The following TGFBR3 variants were observed in gnomAD, a reference collection of about 807,000 sequenced individuals.
TGFBR3 encodes transforming growth factor beta receptor type 3.
TGFBR3 carries 46 observed loss-of-function variants against 87.9 expected under a neutral mutation model. The observed-to-expected ratio is 0.52, with a 90% CI of 0.41 to 0.67. TGFBR3 has a LOEUF of 0.67. Ranked by LOEUF, TGFBR3 falls within the 30% of genes least tolerant of loss-of-function variation. TGFBR3 has a pLI of 0.00. For synonymous variants in TGFBR3, 381 were observed against 391.6 expected (o/e 0.97, Z 0.32); for missense variants, 866 against 1,041.9 (o/e 0.83, Z 2.32).
In TGFBR3 at chr1:91,783,064, G is replaced by A. The variant is rs1459303509; in HGVS notation, c.246+14223C>T. On this transcript the variant is annotated intron_variant, in intron 3 of 16. Transcript: ENST00000212355. ...GAAGTTAAGCCATAATGGGCACAAGGGGACACTTCAGCTCCGGGCAAGAGT... is the reference window on the plus strand; with the variant it reads ...GAAGTTAAGCCATAATGGGCACAAGAGGACACTTCAGCTCCGGGCAAGAGT... 1.3e-5 allele frequency: 2 copies of A among 152,202 alleles called. 1 individual carries two copies. The highest frequency in any genetic ancestry group is 2.9e-5 in the Non-Finnish European group (2 of 68,048). 9.4% of individuals were successfully genotyped at this position (152,202 alleles called of 1,614,324 possible). A position where few individuals can be genotyped will look rare whatever the true frequency, so the allele number is the denominator to read the frequency against.
At chr1:91,705,740 C>T (rs1386070379) in intron 14 of TGFBR3, among the ~76,000 whole-genome samples, 1 of 152,160 alleles carries the variant, frequency 6.6e-6, no homozygotes, top group East Asian at 1.9e-4. Flanking sequence ...GGAAGCTGGC[C>T]TACAGTTTAA....
chr1:91,824,440 C>A (rs1223152325), intron 2 of TGFBR3, among the ~76,000 whole-genome samples: 4 of 152,118 alleles, frequency 2.6e-5, no homozygotes, highest in Non-Finnish European at 5.9e-5. Context: ...ACAGATGAGG[C>A]CAGAGAGACA....
chr1:91,805,981 C>T (rs769732872), intron 2 of TGFBR3, among the ~76,000 whole-genome samples: 4 of 152,170 alleles, frequency 2.6e-5, no homozygotes, highest in Non-Finnish European at 5.9e-5. Context: ...TCCAGTTCCT[C>T]GCCTCAGGAC....
chr1:91,829,722 A>G (rs1407995896), intron 2 of TGFBR3: 1 of 152,186 alleles, frequency 6.6e-6, no homozygotes, highest in Non-Finnish European at 1.5e-5. Flanking sequence ...ACAAACTCCA[A>G]ACTCAGTTGT....
intron 2 of TGFBR3, among the ~76,000 whole-genome samples, chr1:91,838,460 T>A (rs1169743695): frequency 1.8e-5 from 1 of 55,180 alleles, no homozygotes; most frequent in Non-Finnish European, 3.3e-5. Context: ...GGAAATCTCT[T>A]TTTTTTTTTT....
intron 16 of TGFBR3, among the ~76,000 whole-genome samples, chr1:91,692,589 A>G (rs941843805): frequency 1.3e-5 from 2 of 152,158 alleles, no homozygotes; most frequent in African/African-American, 2.4e-5. Flanking sequence ...TGAACTAGGT[A>G]GGGTTCCTAG....
upstream of TGFBR3, among the ~76,000 whole-genome samples, chr1:91,888,694 T>C (rs1273306725): frequency 6.6e-6 from 1 of 152,132 alleles, no homozygotes; most frequent in African/African-American, 2.4e-5. Context: ...AGCAACACTC[T>C]GTCTCAAAAA....
chr1:91,779,029 T>A (rs1412750789), intron 3 of TGFBR3, among the ~76,000 whole-genome samples: 1 of 152,082 alleles, frequency 6.6e-6, no homozygotes, highest in East Asian at 1.9e-4. Flanking sequence ...AGGCAAGATG[T>A]CAGGGCCCAC....
intron 3 of TGFBR3, chr1:91,766,262 C>G (rs959077468): frequency 1.4e-5 from 2 of 143,564 alleles, no homozygotes; most frequent in African/African-American, 5.3e-5. Context: ...ATCTCAAATC[C>G]TGGTCTCAAG....
At chr1:91,882,825 G>A (rs1205608297) in intron 1 of TGFBR3, among the ~76,000 whole-genome samples, 1 of 152,106 alleles carries the variant, frequency 6.6e-6, no homozygotes, top group Non-Finnish European at 1.5e-5. Context: ...TTACAAGTAT[G>A]AGTATTCATA....
intron 4 of TGFBR3, among the ~76,000 whole-genome samples, chr1:91,742,532 C>T (rs559619367): frequency 6.6e-6 from 1 of 152,326 alleles, no homozygotes; most frequent in African/African-American, 2.4e-5. Context: ...CTAATAACTC[C>T]ACCTAAAAAC....
At chr1:91,817,730 A>G (rs1474322732) in intron 2 of TGFBR3, among the ~76,000 whole-genome samples, 6 of 152,172 alleles carry the variant, frequency 3.9e-5, no homozygotes, top group African/African-American at 9.7e-5. Context: ...AACAAAATAC[A>G]TATTATTTCC....
chr1:91,734,258 T>C (rs1251136066), intron 5 of TGFBR3, among the ~76,000 whole-genome samples: 2 of 152,246 alleles, frequency 1.3e-5, no homozygotes, highest in African/African-American at 2.4e-5. Flanking sequence ...TAATTTGTCC[T>C]TGTAATAGTC....
intron 3 of TGFBR3, among the ~76,000 whole-genome samples, chr1:91,776,376 C>G (rs181363176): frequency 1.3e-4 from 20 of 152,302 alleles, no homozygotes; most frequent in African/African-American, 4.8e-4. Context: ...AATGCCTAAG[C>G]CTTGGGAAAG....
intron 2 of TGFBR3, among the ~76,000 whole-genome samples, chr1:91,896,172 C>T (rs1679547220): frequency 6.6e-6 from 1 of 152,204 alleles, no homozygotes; most frequent in African/African-American, 2.4e-5. Context: ...GTAAGCTCCA[C>T]AGTACACTAT....
rs753791977 is a variant in TGFBR3 at position 91,695,743 on chromosome 1, C to A, written c.2366G>T (p.Gly789Val). ...FHGLDTLTVM[G>V]IAFAAFVIGA... Reference sequence around the variant, plus strand: ...GATCACAAAGGCTGCAAACGCAATGCCCATCACGGTTAGGGTGTCCAGACC... The same window carrying A: ...GATCACAAAGGCTGCAAACGCAATGACCATCACGGTTAGGGTGTCCAGACC... The change falls in exon 16 of 17, where the codon GGC becomes GTC. Residue 789 changes from glycine (G) to valine (V), a missense_variant. By Grantham distance (109) the Gly-to-Val change is moderately radical (BLOSUM62 -3). Coordinates refer to ENST00000212355, the MANE Select transcript of TGFBR3 (RefSeq NM_003243.5). The A allele has an allele frequency of 8.1e-6, 13 of 1,614,028 alleles. No homozygotes were observed. The Admixed American group carries it at 2.2e-4, about 27-fold the overall frequency.
chr1:91,849,955 G>A (rs1677657539), intron 2 of TGFBR3, among the ~76,000 whole-genome samples: 2 of 151,790 alleles, frequency 1.3e-5, no homozygotes, highest in East Asian at 3.9e-4. Context: ...GGTGGCGGGT[G>A]CCTGTAGTCC....
At position 91,758,673 on chromosome 1, in the gene TGFBR3, G is replaced by T. The variant is rs780911799; in HGVS notation, c.324C>A (p.His108Gln). The change falls in exon 4 of 17, where the codon CAC becomes CAA. Residue 108 changes from histidine (H) to glutamine (Q), a missense_variant. Coordinates refer to ENST00000212355, the MANE Select transcript of TGFBR3 (RefSeq NM_003243.5). The part of the protein sequence containing the change: ...KSVVFLLNSP[H>Q]PLVWHLKTER... Reference sequence around the variant, plus strand: ...CTGTCTTCAGATGCCACACCAGGGGGTGTGGGGAGTTGAGCAGGAACACAA... The same window carrying T: ...CTGTCTTCAGATGCCACACCAGGGGTTGTGGGGAGTTGAGCAGGAACACAA... 1 of 1,614,050 alleles carries T rather than the reference G, an allele frequency of 6.2e-7. No individual in the cohort carries two copies. The highest frequency in any genetic ancestry group is 1.3e-5 in the African/African-American group (1 of 75,026).
chr1:91,729,297 CA>C (rs1672676938), intron 6 of TGFBR3, among the ~76,000 whole-genome samples: 2 of 150,258 alleles, frequency 1.3e-5, no homozygotes, highest in African/African-American at 4.9e-5. Flanking sequence ...CACACACACA[CA>C]CACACACACA....
Sources: gnomAD v4.1 joint callset for allele counts (sites outside exome capture counted in the v4.1 genomes callset) on GRCh38, gnomAD v4.1.1 for gene constraint, MANE v1.5 for transcripts, NCBI Gene and HGNC (gene_info 2026-07-23, HGNC 2026-07-21) for gene names.